SLC2A13: variants seen among roughly 807,000 people sequenced by gnomAD.
SLC2A13 encodes solute carrier family 2 member 13.
In SLC2A13, 32 loss-of-function variants were observed where a neutral mutation model predicts 64.4. The observed-to-expected ratio is 0.50, with a 90% confidence interval of 0.37 to 0.67. SLC2A13 has a LOEUF of 0.67. Ranked by LOEUF, SLC2A13 falls within the 30% of genes least tolerant of loss-of-function variation. SLC2A13 has a pLI of 0.00. For synonymous variants in SLC2A13, 338 were observed against 327.1 expected, an observed-to-expected ratio of 1.03 and a Z score of -0.36; for missense variants, 743 against 829.2, an observed-to-expected ratio of 0.90 and a Z score of 1.28.
chr12:39,813,427 G>A (rs76367231), intron 7 of SLC2A13, among the ~76,000 whole-genome samples: 3,163 of 152,076 alleles, frequency 0.021, 42 homozygotes, highest in South Asian at 0.03. Flanking sequence ...CATCTAAATT[G>A]TCACTTAATC....
chr12:39,964,426 T>G (rs1387847509), intron 3 of SLC2A13, among the ~76,000 whole-genome samples: 1 of 152,236 alleles, frequency 6.6e-6, no homozygotes, highest in Non-Finnish European at 1.5e-5. Flanking sequence ...AAGTATGGAC[T>G]TTCCAGTCTC....
intron 4 of SLC2A13, among the ~76,000 whole-genome samples, chr12:39,874,564 A>G (rs1260352019): frequency 1.3e-5 from 2 of 151,038 alleles, no homozygotes; most frequent in African/African-American, 2.4e-5. Flanking sequence ...GCAGTGAGCC[A>G]AGATCACACC....
chr12:39,903,364 T>G lies in SLC2A13; in HGVS notation c.1035-31403A>C, dbSNP rs181656619. On this transcript the variant is annotated intron_variant, in intron 4 of 9. Transcript: ENST00000280871. ...AAAAGGTGTACAAACATTGAAGACA[T>G]ATTCATAAAATTTATCAGGTAAACT... 3.3e-5 allele frequency among the ~76,000 whole-genome samples: 5 copies of G among 152,244 alleles called. No individual in the cohort carries two copies. The East Asian group carries it at 9.6e-4, about 29-fold the overall frequency.
intron 7 of SLC2A13, among the ~76,000 whole-genome samples, chr12:39,821,705 T>G (rs1942515530): frequency 1.3e-5 from 2 of 152,300 alleles, no homozygotes; most frequent in East Asian, 1.9e-4. Context: ...TGTTTAAAAC[T>G]CCATGCCTTA....
At chr12:39,992,628 T>C (rs1324086841) in intron 3 of SLC2A13, among the ~76,000 whole-genome samples, 1 of 152,166 alleles carries the variant, frequency 6.6e-6, no homozygotes, top group Non-Finnish European at 1.5e-5. Flanking sequence ...GAGACATCAC[T>C]TAAGATTCTT....
chr12:39,891,819 C>T (rs757309344), intron 4 of SLC2A13, among the ~76,000 whole-genome samples: 2 of 152,168 alleles, frequency 1.3e-5, no homozygotes, highest in African/African-American at 2.4e-5. Flanking sequence ...CAGTCTTTTC[C>T]AGGCATTCAG....
At chr12:39,905,766 C>T (rs1945256649) in intron 4 of SLC2A13, among the ~76,000 whole-genome samples, 1 of 150,636 alleles carries the variant, frequency 6.6e-6, no homozygotes, top group African/African-American at 2.4e-5. Flanking sequence ...AGAAAAAAGT[C>T]TGCCACAAAT....
chr12:39,801,354 A>T (rs1010721596), intron 7 of SLC2A13, among the ~76,000 whole-genome samples: 4 of 150,586 alleles, frequency 2.7e-5, no homozygotes, highest in Non-Finnish European at 5.9e-5. Flanking sequence ...AAAAAAAAAA[A>T]AAAAAAGAAA....
intron 3 of SLC2A13, among the ~76,000 whole-genome samples, chr12:40,011,363 C>T (rs2136194712): frequency 6.6e-6 from 1 of 152,340 alleles, no homozygotes. Flanking sequence ...TTCCTCCTGA[C>T]TGAGAACAAG....
At chr12:39,932,753 G>C (rs768304465) in intron 4 of SLC2A13, among the ~76,000 whole-genome samples, 3 of 152,040 alleles carry the variant, frequency 2.0e-5, no homozygotes, top group African/African-American at 4.8e-5. Flanking sequence ...TACAGAGGAA[G>C]ATCTTTCTAG....
intron 1 of SLC2A13, among the ~76,000 whole-genome samples, chr12:40,100,905 C>T (rs1239361335): frequency 7.6e-6 from 1 of 131,338 alleles, no homozygotes; most frequent in Non-Finnish European, 1.5e-5. Context: ...GTGGGGGTTG[C>T]AGTGAGCCGA....
chr12:39,846,806 A>T (rs538235457), intron 6 of SLC2A13, among the ~76,000 whole-genome samples: 1 of 152,164 alleles, frequency 6.6e-6, no homozygotes, highest in African/African-American at 2.4e-5. Context: ...AAATAATAGC[A>T]TCTATCTCAG....
intron 3 of SLC2A13, among the ~76,000 whole-genome samples, chr12:39,968,865 T>C (rs899244051): frequency 6.7e-6 from 1 of 148,558 alleles, no homozygotes; most frequent in Non-Finnish European, 1.5e-5. Flanking sequence ...TTGTTACATA[T>C]GTATACATGT....
At chr12:39,822,152 G>T (rs1455566192) in intron 7 of SLC2A13, among the ~76,000 whole-genome samples, 1 of 141,910 alleles carries the variant, frequency 7.0e-6, no homozygotes. Context: ...TCCCACCTAT[G>T]AGTGAGAATA....
chr12:39,970,232 G>A (rs569395326), intron 3 of SLC2A13, among the ~76,000 whole-genome samples: 54 of 152,246 alleles, frequency 3.5e-4, no homozygotes, highest in Non-Finnish European at 6.9e-4. Flanking sequence ...GTCAGGTAGC[G>A]TGATGCCTCC....
chr12:39,826,426 A>C (rs1160790382), intron 7 of SLC2A13, among the ~76,000 whole-genome samples: 1 of 150,530 alleles, frequency 6.6e-6, no homozygotes, highest in African/African-American at 2.4e-5. Context: ...TATTGTAAAA[A>C]CAGTTATATT....
At chr12:39,968,532 G>C (rs962740274) in intron 3 of SLC2A13, among the ~76,000 whole-genome samples, 1 of 151,674 alleles carries the variant, frequency 6.6e-6, no homozygotes, top group Non-Finnish European at 1.5e-5. Context: ...TTTCCTCTCT[G>C]AACCCCATCT....
chr12:39,983,380 A>T (rs1278365850), intron 3 of SLC2A13, among the ~76,000 whole-genome samples: 212 of 115,956 alleles, frequency 1.8e-3, no homozygotes, highest in Non-Finnish European at 2.7e-3. Context: ...CTACCATCAG[A>T]GTGAACAGAC....
At chr12:39,837,781 C>G (rs1484081731) in intron 6 of SLC2A13, among the ~76,000 whole-genome samples, 1 of 152,166 alleles carries the variant, frequency 6.6e-6, no homozygotes, top group African/African-American at 2.4e-5. Context: ...CAAATCAAAA[C>G]CACTCTGAGA....
Sources: allele counts gnomAD v4.1 joint callset (sites outside exome capture counted in the v4.1 genomes callset), GRCh38; gene constraint gnomAD v4.1.1; transcripts MANE v1.5; gene names NCBI Gene and HGNC (gene_info 2026-07-23, HGNC 2026-07-21).